Variants in LAMA4 observed in about 807,000 individuals in gnomAD.
LAMA4 encodes the protein laminin subunit alpha 4.
A neutral mutation model predicts 207.1 loss-of-function variants in LAMA4; 127 were observed. The ratio of observed to expected loss-of-function variants is 0.61; its 90% CI spans 0.53 to 0.71. The LOEUF (loss-of-function observed/expected upper bound fraction) is 0.71, where lower values mean the gene tolerates loss of function less well. Ranked by LOEUF, LAMA4 falls within the 30% of genes least tolerant of loss-of-function variation. The probability of loss-of-function intolerance (pLI) is 0.00; values close to 1 mark genes in which losing one functional copy is unlikely to be tolerated. For synonymous variants in LAMA4, 761 were observed against 816.0 expected (o/e 0.93, Z 1.15); for missense variants, 2,093 against 2,246.5 (o/e 0.93, Z 1.38).
At chr6:112,181,712 T>A (rs1782369260) in intron 9 of LAMA4, among the ~76,000 whole-genome samples, 1 of 152,330 alleles carries the variant, frequency 6.6e-6, no homozygotes, top group Non-Finnish European at 1.5e-5. Flanking sequence ...TGCTGTATCA[T>A]AATTATGTTT....
chr6:112,147,489 A>G (rs1780100510), intron 18 of LAMA4, among the ~76,000 whole-genome samples: 2 of 152,210 alleles, frequency 1.3e-5, no homozygotes, highest in South Asian at 4.1e-4. Flanking sequence ...ATGATTTGTC[A>G]TGATATTGAC....
At chr6:112,175,598 C>T in intron 10 of LAMA4, 118 bp from the exon 11 acceptor site, 2 of 1,008,140 alleles carry the variant, frequency 2.0e-6, no homozygotes, top group East Asian at 4.8e-5. Flanking sequence ...GAAAGAGAGA[C>T]TCATTCAAAA....
chr6:112,128,854 G>A (rs1778854076), intron 31 of LAMA4, 68 bp downstream of exon 31: 1 of 1,346,860 alleles, frequency 7.4e-7, no homozygotes, highest in Non-Finnish European at 1.1e-6. Flanking sequence ...CTCTAAAACA[G>A]CAGTGTCTAG....
rs1554339511 is a variant in LAMA4 at position 112,165,140 on chromosome 6, C to A, written c.1668+20G>T. ...AACCTGCTGGAAATACAAACCTGAA[C>A]AAGTCACGTGCGTCCTTACCTTTAT... is the stretch of plus-strand genomic sequence containing the variant. On this transcript the variant is annotated intron_variant, in intron 13 of 38. Transcript: ENST00000230538. 5 of 1,377,278 alleles carry A rather than the reference C, an allele frequency of 3.6e-6. No homozygotes were observed. The African/African-American group carries it at 5.7e-5, about 16-fold the overall frequency. 85.3% of individuals were successfully genotyped at this position (1,377,278 alleles called of 1,614,324 possible).
rs782809816 is a variant in LAMA4, at chr6:112,216,422, G to C, written c.243C>G (p.Pro81=). ...FFHTLSGECV[P]CDCNGNSNEC... ...CGTTGGAATTGCCATTACAGTCGCA[G>C]GGCACACATTCTCCCGACAGGGTGT... is the stretch of plus-strand genomic sequence containing the variant. The change falls in exon 3 of 39, where the codon CCC becomes CCG. Residue 81 remains proline (P), a synonymous_variant. Transcript: ENST00000230538. The C allele has an allele frequency of 6.2e-7, 1 of 1,614,094 alleles. No homozygotes were observed. Among genetic ancestry groups the C allele is most frequent in the South Asian group, 1.1e-5 (1 of 91,080 alleles).
intron 19 of LAMA4, among the ~76,000 whole-genome samples, chr6:112,144,115 C>A (rs780663881): frequency 6.6e-6 from 1 of 152,142 alleles, no homozygotes; most frequent in African/African-American, 2.4e-5. Context: ...TAAAAAAATT[C>A]AAGAGGTCCA....
intron 18 of LAMA4, among the ~76,000 whole-genome samples, chr6:112,145,287 AAG>A (rs1373333829): frequency 5.3e-5 from 8 of 152,222 alleles, no homozygotes; most frequent in Admixed American, 3.3e-4. Context: ...CGCCCAGAGA[AAG>A]AGAGAATGCC....
chr6:112,128,826 C>CA, intron 31 of LAMA4, 96 bp downstream of exon 31: 1 of 1,058,770 alleles, frequency 9.4e-7, no homozygotes, highest in Admixed American at 1.8e-5. Context: ...TACGTAGTTG[C>CA]AAAGTATCAA....
intron 4 of LAMA4, among the ~76,000 whole-genome samples, chr6:112,203,636 CCT>C (rs1171605167): frequency 6.6e-6 from 1 of 152,166 alleles, no homozygotes; most frequent in Non-Finnish European, 1.5e-5. Context: ...CCCCTCCTCT[CCT>C]TTTTTGCAGC....
intron 2 of LAMA4, chr6:112,236,182 C>G (rs1376914776): frequency 1.3e-5 from 2 of 152,206 alleles, no homozygotes; most frequent in Non-Finnish European, 2.9e-5. Flanking sequence ...GGAAGTGACT[C>G]AACTTCTAGC....
At chr6:112,157,727 ATC>A (rs1554337342) in intron 14 of LAMA4, among the ~76,000 whole-genome samples, 1 of 152,188 alleles carries the variant, frequency 6.6e-6, no homozygotes, top group South Asian at 2.1e-4. Flanking sequence ...CATAAGATGG[ATC>A]TCAAAAACAA....
chr6:112,253,772 A>T (rs113810262), intron 2 of LAMA4, 184 bp downstream of exon 2: 2 of 1,614,024 alleles, frequency 1.2e-6, no homozygotes, highest in Non-Finnish European at 8.5e-7. Context: ...TTCAACTCTC[A>T]ACATCCAAAT....
intron 17 of LAMA4, among the ~76,000 whole-genome samples, chr6:112,148,696 T>C (rs983352065): frequency 3.7e-5 from 4 of 109,300 alleles, no homozygotes; most frequent in African/African-American, 1.5e-4. Context: ...AGTTAATCAA[T>C]AAAGAAAGAT....
At chr6:112,150,720 C>T (rs1554335599) in intron 16 of LAMA4, 93 bp from the exon 17 acceptor site, 2 of 834,900 alleles carry the variant, frequency 2.4e-6, no homozygotes, top group Non-Finnish European at 4.2e-6. Context: ...TTGTACGATG[C>T]AGTCATCTGC....
intron 25 of LAMA4, chr6:112,135,860 A>C (rs1237149045): frequency 2.5e-6 from 1 of 403,936 alleles, no homozygotes; most frequent in Non-Finnish European, 4.6e-6. Context: ...TAAGATTAAT[A>C]GAAGCCTTCT....
intron 2 of LAMA4, among the ~76,000 whole-genome samples, chr6:112,221,975 T>A (rs1032242872): frequency 1.6e-4 from 25 of 152,220 alleles, no homozygotes; most frequent in Non-Finnish European, 3.2e-4. Flanking sequence ...ATATGGAATA[T>A]CTGAAATGGC....
At chr6:112,119,926 T>C (rs1274722225) in intron 33 of LAMA4, among the ~76,000 whole-genome samples, 1 of 152,164 alleles carries the variant, frequency 6.6e-6, no homozygotes, top group Non-Finnish European at 1.5e-5. Flanking sequence ...CCTCACTGAT[T>C]TACTCTTCAC....
At position 112,170,913 on chromosome 6, in the gene LAMA4, C is replaced by T. The variant is rs77668983; in HGVS notation, c.1551+1698G>A. ...ATGAGTAGAAAAGAAAAAGCGGTTT[C>T]CATTCCAGGCAGGTGAGATTACTGG... On this transcript the variant is annotated intron_variant, in intron 12 of 38. Transcript: ENST00000230538. 2.3e-3 allele frequency among the ~76,000 whole-genome samples: 354 copies of T among 152,272 alleles called. 10 individuals carry two copies. The East Asian group carries it at 0.045, about 19-fold the overall frequency.
At position 112,154,865 on chromosome 6, in the gene LAMA4, G is replaced by A. The variant is rs1034873510; in HGVS notation, c.2042C>T (p.Ala681Val). 10 of 1,607,378 alleles carry A rather than the reference G, an allele frequency of 6.2e-6. No individual in the cohort carries two copies. Residue 681 changes from alanine to valine, a missense_variant, in exon 16 of 39, where the codon GCA (alanine) becomes GTA (valine). Ala to Val is a moderately conservative substitution (Grantham distance 64). Coordinates refer to ENST00000230538, the MANE Select transcript of LAMA4 (RefSeq NM_001105206.3). ...NLLNQARELQAKAESSSDEAV... is the reference protein window; with the variant it reads ...NLLNQARELQVKAESSSDEAV... The stretch of plus-strand genomic sequence containing the variant: ...AAGATATTTACTAGACTCTGCCTTT[G>A]CTTGCAGTTCTCTGGCTTGATTGAG...
Sources: gnomAD v4.1 joint callset for allele counts (sites outside exome capture counted in the v4.1 genomes callset) on GRCh38, gnomAD v4.1.1 for gene constraint, MANE v1.5 for transcripts, NCBI Gene and HGNC (gene_info 2026-07-23, HGNC 2026-07-21) for gene names.